Variants in ZC3H18 observed in about 807,000 individuals in gnomAD.
ZC3H18 encodes zinc finger CCCH-type containing 18.
A neutral mutation model predicts 106.1 loss-of-function variants in ZC3H18; 8 were observed. The ratio of observed to expected loss-of-function variants is 0.08; its 90% confidence interval spans 0.04 to 0.14. The LOEUF is 0.14. Among genes scored for constraint, ZC3H18 ranks in the 10% least tolerant of loss-of-function variants. The pLI, the probability that ZC3H18 is intolerant of heterozygous loss-of-function variation, is 1.00. For missense variants in ZC3H18, 1,318 were observed against 1,278.4 expected (o/e 1.03, Z -0.47); for synonymous variants, 635 against 522.1 (o/e 1.22, Z -2.95).
chr16:88,625,620 G>T, intron 13 of ZC3H18: 1 of 307,648 alleles, frequency 3.3e-6, no homozygotes, highest in Non-Finnish European at 6.2e-6. Flanking sequence ...CAGAGGCTGG[G>T]CCTGCGTGAC....
chr16:88,592,383 G>C (rs1915805364), intron 3 of ZC3H18, among the ~76,000 whole-genome samples: 1 of 152,216 alleles, frequency 6.6e-6, no homozygotes, highest in African/African-American at 2.4e-5. Flanking sequence ...CAGCAGGTCT[G>C]AGTGTCATCT....
chr16:88,606,049 C>T (rs942903869), intron 6 of ZC3H18, among the ~76,000 whole-genome samples: 44 of 152,198 alleles, frequency 2.9e-4, no homozygotes, highest in African/African-American at 1.1e-3. Context: ...GACTGCAGAA[C>T]GAGGTGCGAG....
At chr16:88,618,706 G>A (rs550236722) in intron 8 of ZC3H18, among the ~76,000 whole-genome samples, 4 of 152,324 alleles carry the variant, frequency 2.6e-5, no homozygotes, top group East Asian at 3.9e-4. Context: ...GGCCTTCAAC[G>A]GGGAATGGGG....
Position 88,631,412 on chromosome 16 carries a change from GA to G in ZC3H18, c.*121del, listed in dbSNP as rs985678850. 23 of 1,387,000 alleles carry G rather than the reference GA, an allele frequency of 1.7e-5. No individual in the cohort carries two copies. The highest frequency in any genetic ancestry group is 1.8e-4 in the Middle Eastern group (1 of 5,422). 85.9% of individuals were successfully genotyped at this position (1,387,000 alleles called of 1,614,324 possible). On this transcript the variant is annotated 3_prime_UTR_variant, in exon 18 of 18. Coordinates refer to ENST00000301011, the MANE Select transcript of ZC3H18 (RefSeq NM_144604.4). ...GTGATTCTTTTTAAAAAGTAAAAAA[GA>G]AAAAAAAGTTTCTCAGCTGGAAAAG... is the stretch of plus-strand genomic sequence containing the variant.
intron 8 of ZC3H18, among the ~76,000 whole-genome samples, chr16:88,617,575 G>A (rs776622078): frequency 6.6e-6 from 1 of 152,174 alleles, no homozygotes; most frequent in African/African-American, 2.4e-5. Context: ...CCTTCCCGCA[G>A]GAGCTGTCTG....
In ZC3H18 at chr16:88,589,520, C is replaced by G. The variant is rs140048374; in HGVS notation, c.688+2836C>G. Among the ~76,000 whole-genome samples the G allele has an allele frequency of 1.5e-3, 232 of 152,330 alleles. 1 individual carries two copies. Among genetic ancestry groups the G allele is most frequent in the African/African-American group, 5.0e-3 (207 of 41,572 alleles). On this transcript the variant is annotated intron_variant, in intron 3 of 17. Transcript: ENST00000301011. ...TGGCTCATGCCACAATGTGGACAAACTTTGAAGACGTGCTGAGTGACAGAA... is the reference window on the plus strand; with the variant it reads ...TGGCTCATGCCACAATGTGGACAAAGTTTGAAGACGTGCTGAGTGACAGAA...
Position 88,577,172 on chromosome 16 carries a change from G to A in ZC3H18, c.49G>A (p.Glu17Lys). Residue 17 changes from glutamate (E) to lysine (K), a missense_variant, in exon 2 of 18, where the codon GAA becomes AAA. Physicochemically the swap from Glu to Lys is moderately conservative, Grantham distance 56. Transcript: ENST00000301011. ...PERDPHSPED[E>K]EQPQGLSDDD... Reference sequence around the variant, plus strand: ...ACGGGATCCTCACTCTCCAGAGGATGAAGAGCAGCCACAGGGACTCTCGGA... The same window carrying A: ...ACGGGATCCTCACTCTCCAGAGGATAAAGAGCAGCCACAGGGACTCTCGGA... 1 of 1,603,652 alleles carries A rather than the reference G, an allele frequency of 6.2e-7. No homozygotes were observed. Among genetic ancestry groups the A allele is most frequent in the East Asian group, 2.2e-5 (1 of 44,758 alleles).
rs562658225 is a variant in ZC3H18, at chr16:88,572,359, A to G, written c.-15+1793A>G. 5.2e-3 allele frequency among the ~76,000 whole-genome samples: 780 copies of G among 150,150 alleles called. 7 individuals are homozygous for G. The highest frequency in any genetic ancestry group is 9.2e-3 in the Non-Finnish European group (609 of 66,346). On this transcript the variant is annotated intron_variant, in intron 1 of 17. Transcript: ENST00000301011. ...CACTCTGTTGCCCAGGCTGGAGTGC[A>G]GTGGCAGGATCTCGGCTCACCGCAA...
intron 1 of ZC3H18, among the ~76,000 whole-genome samples, chr16:88,573,668 A>G (rs1408902087): frequency 6.6e-6 from 1 of 151,916 alleles, no homozygotes; most frequent in African/African-American, 2.4e-5. Context: ...CACCTCAACC[A>G]CACAAGTAGC....
rs773199293 is a variant in ZC3H18, at chr16:88,598,698, C to T, written c.916C>T (p.Arg306Trp). The T allele has an allele frequency of 5.0e-6, 8 of 1,611,828 alleles. No homozygotes were observed. The highest frequency in any genetic ancestry group is 3.3e-5 in the South Asian group (3 of 90,550). Residue 306 changes from arginine to tryptophan, a missense_variant, in exon 5 of 18, where the codon CGG becomes TGG. Transcript: ENST00000301011. ...PTESAWERGLRHAKEVLKKAT... is the reference protein window; with the variant it reads ...PTESAWERGLWHAKEVLKKAT... ...AGAGAGTGCCTGGGAACGAGGACTC[C>T]GGCATGCAAAGGAGGTAAACACAAT...
Position 88,631,137 on chromosome 16 carries a change from C to T in ZC3H18, c.2700C>T (p.Ser900=), listed in dbSNP as rs895280079. The change falls in exon 18 of 18, where the codon AGC becomes AGT. Residue 900 remains serine, a synonymous_variant. Transcript: ENST00000301011. ...TGTCACCCCAGTCCAAGAGCTCCAG[C>T]AAGGTCACGAGCGTGCCCGGCAAAG... The part of the protein sequence containing the change: ...RQLSPQSKSS[S]KVTSVPGKAS... 1.3e-5 allele frequency: 21 copies of T among 1,613,050 alleles called. No homozygotes were observed. The highest frequency in any genetic ancestry group is 1.7e-5 in the Non-Finnish European group (20 of 1,180,034).
chr16:88,606,386 G>A (rs964317052), intron 6 of ZC3H18, among the ~76,000 whole-genome samples: 2 of 152,224 alleles, frequency 1.3e-5, no homozygotes, highest in East Asian at 1.9e-4. Context: ...AGGAAATGCT[G>A]TGTGCCTCAT....
intron 1 of ZC3H18, among the ~76,000 whole-genome samples, chr16:88,576,458 C>T (rs1914757503): frequency 6.6e-6 from 1 of 152,120 alleles, no homozygotes; most frequent in Non-Finnish European, 1.5e-5. Context: ...GTGTGAGTTG[C>T]TGAGCGGGTG....
intron 3 of ZC3H18, among the ~76,000 whole-genome samples, chr16:88,597,643 C>A (rs1017833905): frequency 9.2e-5 from 14 of 152,190 alleles, no homozygotes; most frequent in African/African-American, 3.1e-4. Context: ...AGTGTAAAAG[C>A]CCGTTTCAGT....
At chr16:88,592,777 G>C (rs905742334) in intron 3 of ZC3H18, among the ~76,000 whole-genome samples, 3 of 152,200 alleles carry the variant, frequency 2.0e-5, no homozygotes, top group Non-Finnish European at 4.4e-5. Context: ...GGCTGAGCCA[G>C]GCATTCACCA....
Position 88,630,593 on chromosome 16 carries a change from C to G in ZC3H18, c.2663+12C>G. The G allele has an allele frequency of 6.3e-7, 1 of 1,592,510 alleles. No homozygotes were observed. Among genetic ancestry groups the G allele is most frequent in the African/African-American group, 1.3e-5 (1 of 74,884 alleles). On this transcript the variant is annotated intron_variant, in intron 17 of 17. Coordinates refer to ENST00000301011, the MANE Select transcript of ZC3H18 (RefSeq NM_144604.4). Reference sequence around the variant, plus strand: ...GCCCCGGCTGACAGGTGAGTCCCACCCAGCATGTGCCCTGGGCACACCGAG... The same window carrying G: ...GCCCCGGCTGACAGGTGAGTCCCACGCAGCATGTGCCCTGGGCACACCGAG...
At chr16:88,619,821 G>A (rs1276560766) in intron 8 of ZC3H18, among the ~76,000 whole-genome samples, 1 of 152,220 alleles carries the variant, frequency 6.6e-6, no homozygotes, top group Non-Finnish European at 1.5e-5. Flanking sequence ...TGGAAGGGCC[G>A]CGCTGTCCCT....
intron 9 of ZC3H18, chr16:88,622,901 C>CA (rs990639703): frequency 4.8e-5 from 18 of 374,412 alleles, no homozygotes; most frequent in Non-Finnish European, 7.4e-5. Flanking sequence ...TGCAGATGAA[C>CA]AGATAGACAC....
At chr16:88,623,894 G>C in intron 10 of ZC3H18, 64 bp from the exon 11 acceptor site, 1 of 1,538,518 alleles carries the variant, frequency 6.5e-7, no homozygotes, top group Non-Finnish European at 8.8e-7. Context: ...TGGGTCCTCA[G>C]TGGGCTTGGG....
Sources: gnomAD v4.1 joint callset for allele counts (sites outside exome capture counted in the v4.1 genomes callset) on GRCh38, gnomAD v4.1.1 for gene constraint, MANE v1.5 for transcripts, NCBI Gene and HGNC (gene_info 2026-07-23, HGNC 2026-07-21) for gene names.